The following SMCHD1 variants were observed in gnomAD, a reference collection of about 807,000 sequenced individuals.
The protein encoded by SMCHD1 is structural maintenance of chromosomes flexible hinge domain containing 1.
A neutral mutation model predicts 254.7 loss-of-function variants in SMCHD1; 78 were observed. The ratio of observed to expected loss-of-function variants is 0.31; its 90% CI spans 0.26 to 0.37. SMCHD1 has a LOEUF of 0.37. Among genes scored for constraint, SMCHD1 ranks in the 10% least tolerant of loss-of-function variants. SMCHD1 has a pLI of 1.00. For missense variants in SMCHD1, 1,840 were observed against 2,408.1 expected, an observed-to-expected ratio of 0.76 and a Z score of 4.94; for synonymous variants, 766 against 794.9, an observed-to-expected ratio of 0.96 and a Z score of 0.61.
chr18:2,784,844 G>T, intron 45 of SMCHD1: 1 of 546,658 alleles, frequency 1.8e-6, no homozygotes, highest in Non-Finnish European at 3.5e-6. Flanking sequence ...CTTATATGTA[G>T]TGCATGCCTG....
chr18:2,744,098 T>A (rs2075402929), intron 29 of SMCHD1, among the ~76,000 whole-genome samples, 170 bp downstream of exon 29: 1 of 152,244 alleles, frequency 6.6e-6, no homozygotes, highest in Admixed American at 6.5e-5. Context: ...TACTTTGTTA[T>A]TTGATTCATC....
chr18:2,744,410 G>A (rs1042385617), intron 29 of SMCHD1, among the ~76,000 whole-genome samples: 9 of 150,944 alleles, frequency 6.0e-5, no homozygotes, highest in Admixed American at 2.0e-4. Flanking sequence ...TTTTGTAAAT[G>A]TCTGTCAAAT....
At chr18:2,662,915 A>C (rs1345800598) in intron 1 of SMCHD1, among the ~76,000 whole-genome samples, 1 of 152,060 alleles carries the variant, frequency 6.6e-6, no homozygotes, top group Non-Finnish European at 1.5e-5. Flanking sequence ...TACTTTCTTT[A>C]TGTTTGACTT....
chr18:2,706,488 A>C lies in SMCHD1; in HGVS notation c.2063+18A>C. The stretch of plus-strand genomic sequence containing the variant: ...ATGGCAAGGTAAGTCACACTTCAAG[A>C]TGCATGACAAAAATAAGAAAAATTG... On this transcript the variant is annotated intron_variant, in intron 15 of 47. Transcript: ENST00000320876. The C allele has an allele frequency of 6.6e-7, 1 of 1,513,328 alleles. No individual in the cohort carries two copies. Among genetic ancestry groups the C allele is most frequent in the Non-Finnish European group, 9.0e-7 (1 of 1,108,226 alleles). The allele number at this position is 1,513,328 out of a possible 1,614,324, so 93.7% of individuals were successfully genotyped here. A position where few individuals can be genotyped will look rare whatever the true frequency, so the allele number is the denominator to read the frequency against.
intron 44 of SMCHD1, 22 bp downstream of exon 44, chr18:2,778,261 A>C: frequency 6.5e-7 from 1 of 1,533,332 alleles, no homozygotes; most frequent in Non-Finnish European, 9.0e-7. Context: ...ATTTCTTTTT[A>C]AATTTGTAGA....
In SMCHD1 at chr18:2,729,389, A is replaced by G. The variant is rs1447839490; in HGVS notation, c.3028A>G (p.Lys1010Glu). 18 of 1,531,734 alleles carry G rather than the reference A, an allele frequency of 1.2e-5. No individual in the cohort carries two copies. Among genetic ancestry groups the G allele is most frequent in the Admixed American group, 2.2e-5 (1 of 44,480 alleles). The allele number at this position is 1,531,734 out of a possible 1,614,324, so 94.9% of individuals were successfully genotyped here. Residue 1010 changes from lysine (K) to glutamate (E), a missense_variant, in exon 24 of 48, where the codon AAA becomes GAA. Coordinates refer to ENST00000320876, the MANE Select transcript of SMCHD1 (RefSeq NM_015295.3). The part of the protein sequence containing the change: ...VQNIKKDQTL[K>E]ARIEIPSCKD... ...GAATATTAAAAAAGACCAGACGCTT[A>G]AAGCAAGAATTGAAATACCTGTAAG... is the stretch of plus-strand genomic sequence containing the variant.
rs2075156890 is a variant in SMCHD1, at chr18:2,732,316, A to T, written c.3100A>T (p.Ser1034Cys). ...GAAGACTATTAAGTTGCTTCCCAGT[A>T]GCCATGTTGCAAGACTACAAATATT... is the stretch of plus-strand genomic sequence containing the variant. ...VEKTIKLLPSSHVARLQIFSV... is the reference protein window; with the variant it reads ...VEKTIKLLPSCHVARLQIFSV... Residue 1034 changes from serine to cysteine, a missense_variant, in exon 25 of 48, where the codon AGC (serine) becomes TGC (cysteine). Transcript: ENST00000320876. 1 of 1,613,854 alleles carries T rather than the reference A, an allele frequency of 6.2e-7. No individual in the cohort carries two copies. Among genetic ancestry groups the T allele is most frequent in the African/African-American group, 1.3e-5 (1 of 75,050 alleles).
At position 2,743,993 on chromosome 18, in the gene SMCHD1, C is replaced by G. The variant is rs527947007; in HGVS notation, c.3801+65C>G. ...ATATGGCTTATTACTTTCAGATTGTCAGTGAATCAGAATAGATATATTTTG... is the reference window on the plus strand; with the variant it reads ...ATATGGCTTATTACTTTCAGATTGTGAGTGAATCAGAATAGATATATTTTG... On this transcript the variant is annotated intron_variant, in intron 29 of 47. Transcript: ENST00000320876. 1.3e-5 allele frequency: 17 copies of G among 1,324,686 alleles called. No individual in the cohort carries two copies. In the African/African-American group the frequency reaches 2.3e-4, roughly 18 times the overall value. The allele number at this position is 1,324,686 out of a possible 1,614,324, so 82.1% of individuals were successfully genotyped here.
chr18:2,694,809 C>A, intron 8 of SMCHD1, 116 bp downstream of exon 8: 1 of 815,614 alleles, frequency 1.2e-6, no homozygotes, highest in Non-Finnish European at 2.0e-6. Flanking sequence ...TCATTTTCTT[C>A]CCTTTAGTAT....
Position 2,778,186 on chromosome 18 carries a change from G to A in SMCHD1, c.5494G>A (p.Gly1832Arg). 1.2e-6 allele frequency: 2 copies of A among 1,608,586 alleles called. No individual in the cohort carries two copies. Among genetic ancestry groups the A allele is most frequent in the Non-Finnish European group, 1.7e-6 (2 of 1,176,790 alleles). The change falls in exon 44 of 48, where the codon GGA becomes AGA. Residue 1832 changes from glycine to arginine, a missense_variant. This residue lies in a region of SMCHD1 where 114 missense variants were observed against 217.6 expected (regional missense o/e 0.52). Coordinates refer to ENST00000320876, the MANE Select transcript of SMCHD1 (RefSeq NM_015295.3). ...TTTTTTAGTATTTGGTATGCTGTTA[G>A]GAGACACCATTATTTTGGATAATCT... The part of the protein sequence containing the change: ...HCETVFGMLL[G>R]DTIILDNLDA...
chr18:2,685,547 T>G (rs1016605923), intron 5 of SMCHD1, among the ~76,000 whole-genome samples: 1 of 152,180 alleles, frequency 6.6e-6, no homozygotes, highest in Admixed American at 6.5e-5. Context: ...TTACTATGTA[T>G]TCCTAAAGTT....
intron 5 of SMCHD1, among the ~76,000 whole-genome samples, chr18:2,682,588 C>T (rs964342819): frequency 2.0e-5 from 3 of 152,226 alleles, no homozygotes. Context: ...TCCCAAAGTG[C>T]TGGGATTATG....
At chr18:2,741,825 C>T (rs149128698) in intron 28 of SMCHD1, among the ~76,000 whole-genome samples, 2,770 of 152,262 alleles carry the variant, frequency 0.018, 35 homozygotes, top group Middle Eastern at 0.048. Context: ...GTTATCTCTT[C>T]CACTAGAGCA....
chr18:2,774,206 C>G (rs2143762666), intron 41 of SMCHD1, among the ~76,000 whole-genome samples: 1 of 152,118 alleles, frequency 6.6e-6, no homozygotes. Context: ...CATGGTATTT[C>G]TTTTACAAAA....
chr18:2,762,476 A>T (rs967405817), intron 36 of SMCHD1, among the ~76,000 whole-genome samples: 2 of 150,612 alleles, frequency 1.3e-5, no homozygotes, highest in African/African-American at 4.9e-5. Context: ...AAATGCAGAA[A>T]TCTCAATCTG....
chr18:2,673,928 T>A (rs2073679404), intron 4 of SMCHD1, 87 bp from the exon 5 acceptor site: 9 of 1,342,948 alleles, frequency 6.7e-6, no homozygotes, highest in African/African-American at 1.5e-5. Context: ...AGTGAGCCTG[T>A]TGAATCATTT....
intron 34 of SMCHD1, among the ~76,000 whole-genome samples, chr18:2,755,450 C>CGAG (rs2075654844): frequency 6.6e-6 from 1 of 151,938 alleles, no homozygotes; most frequent in Admixed American, 6.6e-5. Context: ...TGTGAGCCAC[C>CGAG]ACTCCTGGCT....
intron 27 of SMCHD1, among the ~76,000 whole-genome samples, chr18:2,740,500 G>A (rs940018391): frequency 6.6e-6 from 1 of 152,016 alleles, no homozygotes; most frequent in African/African-American, 2.4e-5. Flanking sequence ...CGTGTTAAAT[G>A]TAGTTGAAAA....
chr18:2,712,644 C>T (rs993632869), intron 17 of SMCHD1, among the ~76,000 whole-genome samples: 111 of 152,188 alleles, frequency 7.3e-4, no homozygotes, highest in African/African-American at 2.6e-3. Context: ...AACCAAGGGA[C>T]AACTGTATAT....
Sources: allele counts gnomAD v4.1 joint callset (sites outside exome capture counted in the v4.1 genomes callset), GRCh38; gene constraint gnomAD v4.1.1; regional missense constraint gnomAD v4.1.1; transcripts MANE v1.5; gene names NCBI Gene and HGNC (gene_info 2026-07-23, HGNC 2026-07-21).